The following LIG1 variants were observed in gnomAD, a reference collection of about 807,000 sequenced individuals.
LIG1 encodes the protein DNA ligase 1.
LIG1 carries 70 observed loss-of-function variants against 115.7 expected under a neutral mutation model. The ratio of observed to expected loss-of-function variants is 0.60; its 90% CI spans 0.50 to 0.74. The LOEUF is 0.74. Among genes scored for constraint, LIG1 ranks in the 30% least tolerant of loss-of-function variants. LIG1 has a pLI of 0.00. For synonymous variants in LIG1, 487 were observed against 495.3 expected, an observed-to-expected ratio of 0.98 and a Z score of 0.22; for missense variants, 1,115 against 1,225.6, an observed-to-expected ratio of 0.91 and a Z score of 1.35.
chr19:48,137,543 G>C lies in LIG1; in HGVS notation c.1233C>G (p.Ile411Met). The C allele has an allele frequency of 6.2e-7, 1 of 1,613,118 alleles. No homozygotes were observed. Among genetic ancestry groups the C allele is most frequent in the Non-Finnish European group, 8.5e-7 (1 of 1,180,010 alleles). The change falls in exon 13 of 28, where the codon ATC becomes ATG. Residue 411 changes from isoleucine (I) to methionine (M), a missense_variant. Transcript: ENST00000263274. This position sits in a 1 kb window ranked among gnomAD's most constrained non-coding sequence, Gnocchi z 4.3. Reference sequence around the variant, plus strand: ...TCACAGCACTGCCAGTGAGCCTGGCGATGTCGCGGAACTTGCTGAAGACCC... The same window carrying C: ...TCACAGCACTGCCAGTGAGCCTGGCCATGTCGCGGAACTTGCTGAAGACCC... The part of the protein sequence containing the change: ...ASGVFSKFRD[I>M]ARLTGSASTA...
chr19:48,170,162 A>G (rs1257545192), intron 1 of LIG1, 79 bp downstream of exon 1: 7 of 453,446 alleles, frequency 1.5e-5, no homozygotes, highest in Non-Finnish European at 3.1e-5. Context: ...ACACCCCGAC[A>G]TGGCGAAGCA....
chr19:48,132,881 C>G, intron 18 of LIG1, 101 bp downstream of exon 18: 2 of 805,480 alleles, frequency 2.5e-6, no homozygotes, highest in Non-Finnish European at 4.4e-6. Flanking sequence ...GCTCGGCAGT[C>G]TGTGGCGCAG....
chr19:48,159,379 T>C (rs1407291262), intron 4 of LIG1, among the ~76,000 whole-genome samples: 1 of 152,090 alleles, frequency 6.6e-6, no homozygotes, highest in Admixed American at 6.6e-5. Context: ...CAGATGAATA[T>C]TTTAAACACT....
chr19:48,137,689 C>T lies in LIG1; in HGVS notation c.1088-1G>A. The T allele has an allele frequency of 6.2e-7, 1 of 1,602,844 alleles. No individual in the cohort carries two copies. ...GCCCGGACGGACTCCAGCTGCCGAC[C>T]TTCAGGGGAGAGCGCGGGTGGGGGT... On this transcript the variant is annotated splice_acceptor_variant, in intron 12 of 27. Transcript: ENST00000263274. LOFTEE classifies it high-confidence loss of function. The surrounding 1 kb of genome is among the most constrained non-coding windows in gnomAD (Gnocchi z 4.3).
intron 1 of LIG1, chr19:48,169,774 C>A (rs1466880527): frequency 6.4e-6 from 1 of 155,684 alleles, no homozygotes; most frequent in Non-Finnish European, 1.4e-5. Flanking sequence ...GGCACCTCCC[C>A]CTTCCAGGTG....
intron 4 of LIG1, among the ~76,000 whole-genome samples, chr19:48,158,210 T>G (rs2035970102): frequency 6.6e-6 from 1 of 152,218 alleles, no homozygotes; most frequent in Non-Finnish European, 1.5e-5. Flanking sequence ...TCTGAAGTAT[T>G]CCTTTATAGC....
intron 14 of LIG1, 109 bp from the exon 15 acceptor site, chr19:48,136,234 A>C: frequency 1.3e-6 from 1 of 768,466 alleles, no homozygotes; most frequent in Non-Finnish European, 2.2e-6. Context: ...TCTCCTCAAA[A>C]ACCAGAAGAA....
rs371987079 is a variant in LIG1 at position 48,140,782 on chromosome 19, C to A, written c.915-639G>T. Among the ~76,000 whole-genome samples, 24 of 152,118 alleles carry A rather than the reference C, an allele frequency of 1.6e-4. No individual in the cohort carries two copies. In the East Asian group the frequency reaches 3.7e-3, roughly 23 times the overall value. ...CAGCAAGAAAACCTCCCTTCGACCC[C>A]CTGTGAGTCCATCTTCAACCTGACC... On this transcript the variant is annotated intron_variant, in intron 11 of 27. Coordinates refer to ENST00000263274, the MANE Select transcript of LIG1 (RefSeq NM_000234.3).
intron 21 of LIG1, among the ~76,000 whole-genome samples, chr19:48,125,668 C>A (rs1344564031): frequency 6.6e-6 from 1 of 152,200 alleles, no homozygotes; most frequent in Non-Finnish European, 1.5e-5. Context: ...CAAGTTACCA[C>A]AAGATCGTGG....
chr19:48,121,017 T>C lies in LIG1; in HGVS notation c.2385+153A>G, dbSNP rs1599738081. The C allele has an allele frequency of 7.3e-6, 11 of 1,514,306 alleles. No homozygotes were observed. The East Asian group carries it at 2.1e-4, about 29-fold the overall frequency. The allele number at this position is 1,514,306 out of a possible 1,614,324, so 93.8% of individuals were successfully genotyped here. A position where few individuals can be genotyped will look rare whatever the true frequency, so the allele number is the denominator to read the frequency against. On this transcript the variant is annotated intron_variant, in intron 24 of 27. Transcript: ENST00000263274. ...TTCTATATGAAGCAAGAGTTGCTCA[T>C]AGAACCAGAAAAAGTAAATAAAAAC...
Position 48,128,032 on chromosome 19 carries a change from A to C in LIG1, c.1822-12T>G. The C allele has an allele frequency of 6.2e-7, 1 of 1,604,724 alleles. No individual in the cohort carries two copies. ...GATGGGAGTTTAATCTGAAAAGTGA[A>C]GGGAGAGACCCAGGGCCTGAGAGAG... On this transcript the variant is annotated splice_polypyrimidine_tract_variant and intron_variant, in intron 19 of 27. Transcript: ENST00000263274.
rs1405876526 is a variant in LIG1 at position 48,115,601 on chromosome 19, G to C, written c.*48C>G. The C allele has an allele frequency of 7.3e-7, 1 of 1,362,214 alleles. No individual in the cohort carries two copies. Among genetic ancestry groups the C allele is most frequent in the Non-Finnish European group, 1.1e-6 (1 of 951,160 alleles). The allele number at this position is 1,362,214 out of a possible 1,614,324, so 84.4% of individuals were successfully genotyped here. ...AAAGCAAAGGCAATAATAACCCTGGGGTCCGTCCAACTCATGCCCTGTACC... is the reference window on the plus strand; with the variant it reads ...AAAGCAAAGGCAATAATAACCCTGGCGTCCGTCCAACTCATGCCCTGTACC... On this transcript the variant is annotated 3_prime_UTR_variant, in exon 28 of 28. Transcript: ENST00000263274.
Position 48,122,476 on chromosome 19 carries a change from G to A in LIG1, c.2232+458C>T. ...TCCTCCCTCAGGGTCTCTGCACCGG[G>A]GGTTTTCCTCCCTAGTGCTCTGTCC... On this transcript the variant is annotated intron_variant, in intron 23 of 27. Transcript: ENST00000263274. The surrounding 1 kb of genome is among the most constrained non-coding windows in gnomAD (Gnocchi z 4.3). The A allele has an allele frequency of 3.9e-6, 1 of 258,806 alleles. No individual in the cohort carries two copies. The highest frequency in any genetic ancestry group is 7.6e-6 in the Non-Finnish European group (1 of 130,874). 16.0% of individuals were successfully genotyped at this position (258,806 alleles called of 1,614,324 possible). A position where few individuals can be genotyped will look rare whatever the true frequency, so the allele number is the denominator to read the frequency against.
At chr19:48,133,279 C>T (rs1229069507) in intron 17 of LIG1, 182 bp from the exon 18 acceptor site, 1 of 604,352 alleles carries the variant, frequency 1.7e-6, no homozygotes, top group Non-Finnish European at 3.0e-6. Flanking sequence ...CCCGGCCTTC[C>T]TTCCAGGTGG....
intron 4 of LIG1, 189 bp downstream of exon 4, chr19:48,161,182 GC>G (rs2036153912): frequency 4.1e-6 from 3 of 729,264 alleles, no homozygotes; most frequent in Admixed American, 4.4e-5. Flanking sequence ...TGGTGAAGGA[GC>G]CCACCCGAGG....
intron 19 of LIG1, among the ~76,000 whole-genome samples, chr19:48,128,401 G>T (rs2033808765): frequency 6.6e-6 from 1 of 152,128 alleles, no homozygotes; most frequent in Non-Finnish European, 1.5e-5. Flanking sequence ...CCCCATAGCA[G>T]CCAGGGTGAC....
chr19:48,138,033 G>C (rs1376339505), intron 12 of LIG1: 2 of 416,456 alleles, frequency 4.8e-6, no homozygotes, highest in East Asian at 1.1e-4. Context: ...AGTGTGGACA[G>C]AGCAGAGAAG....
In LIG1 at chr19:48,158,500, A is replaced by G. The variant is rs530234727; in HGVS notation, c.244-1360T>C. Among the ~76,000 whole-genome samples the G allele has an allele frequency of 2.0e-5, 3 of 152,358 alleles. No individual in the cohort carries two copies. The Middle Eastern group carries it at 0.01, about 518-fold the overall frequency. On this transcript the variant is annotated intron_variant, in intron 4 of 27. Transcript: ENST00000263274. The stretch of plus-strand genomic sequence containing the variant: ...TTCAACCACTCACTTATCTTCTTAC[A>G]GGGCCCTGTGCCAGTTATTAAGTGA...
intron 21 of LIG1, among the ~76,000 whole-genome samples, chr19:48,126,855 G>A (rs1244673536): frequency 6.6e-6 from 1 of 151,640 alleles, no homozygotes; most frequent in Non-Finnish European, 1.5e-5. Context: ...TCTGATTACA[G>A]GCGTGAACCA....
Sources: allele counts gnomAD v4.1 joint callset (sites outside exome capture counted in the v4.1 genomes callset), GRCh38; gene constraint gnomAD v4.1.1; non-coding constraint Gnocchi (gnomAD v3.1); transcripts MANE v1.5; gene names NCBI Gene and HGNC (gene_info 2026-07-23, HGNC 2026-07-21).